AK7: variants seen among roughly 807,000 people sequenced by gnomAD.
The protein encoded by AK7 is adenylate kinase 7.
A neutral mutation model predicts 96.6 loss-of-function variants in AK7; 78 were observed. The observed-to-expected ratio is 0.81, with a 90% CI of 0.67 to 0.97. The LOEUF is 0.97. Ranked by LOEUF, AK7 falls within the 50% of genes least tolerant of loss-of-function variation. The pLI is 0.00. For synonymous variants in AK7, 302 were observed against 317.2 expected, an observed-to-expected ratio of 0.95 and a Z score of 0.51; for missense variants, 855 against 887.9, an observed-to-expected ratio of 0.96 and a Z score of 0.47.
At chr14:96,425,778 C>T (rs935565332) in intron 5 of AK7, among the ~76,000 whole-genome samples, 1 of 152,114 alleles carries the variant, frequency 6.6e-6, no homozygotes, top group Non-Finnish European at 1.5e-5. Context: ...GCCACCGTGC[C>T]CAGCCGTAGT....
At chr14:96,392,698 C>T (rs931423474) in intron 1 of AK7, among the ~76,000 whole-genome samples, 8 of 151,790 alleles carry the variant, frequency 5.3e-5, no homozygotes, top group Non-Finnish European at 8.8e-5. Flanking sequence ...GAGCCTTGCT[C>T]TGTCGCCCAG....
rs373086791 is a variant in AK7, at chr14:96,456,211, C to G, written c.1099-136C>G. On this transcript the variant is annotated intron_variant, in intron 10 of 17. Coordinates refer to ENST00000267584, the MANE Select transcript of AK7 (RefSeq NM_152327.5). Reference sequence around the variant, plus strand: ...GAGATCATGCCACTGCACTACAGCCCGAGCAACAGAGTGAGAGACTCTGTC... The same window carrying G: ...GAGATCATGCCACTGCACTACAGCCGGAGCAACAGAGTGAGAGACTCTGTC... 8.2e-5 allele frequency: 80 copies of G among 973,414 alleles called. No homozygotes were observed. In the South Asian group the frequency reaches 1.5e-3, roughly 18 times the overall value. 60.3% of individuals were successfully genotyped at this position (973,414 alleles called of 1,614,324 possible). A position where few individuals can be genotyped will look rare whatever the true frequency, so the allele number is the denominator to read the frequency against.
Position 96,488,129 on chromosome 14 carries a change from T to G in AK7, c.2134-176T>G, listed in dbSNP as rs1595475484. On this transcript the variant is annotated intron_variant, in intron 17 of 17. Transcript: ENST00000267584. ...AGTTTCACCATGTTGACCAGGCTGG[T>G]CTCGAACTCCTGACCTCAAGTGATC... 6 of 497,618 alleles carry G rather than the reference T, an allele frequency of 1.2e-5. No individual in the cohort carries two copies. In the South Asian group the frequency reaches 1.4e-4, roughly 11 times the overall value. 30.8% of individuals were successfully genotyped at this position (497,618 alleles called of 1,614,324 possible).
intron 4 of AK7, among the ~76,000 whole-genome samples, chr14:96,418,612 A>T (rs916553018): frequency 6.6e-6 from 1 of 152,014 alleles, no homozygotes; most frequent in Admixed American, 6.6e-5. Context: ...TCAGCCTCCC[A>T]GGTTCAAGCG....
intron 8 of AK7, among the ~76,000 whole-genome samples, chr14:96,448,875 G>C (rs1170190631): frequency 6.6e-6 from 1 of 152,020 alleles, no homozygotes; most frequent in African/African-American, 2.4e-5. Context: ...AGAATTGCTT[G>C]AACCTGGGAG....
intron 10 of AK7, 74 bp downstream of exon 10, chr14:96,451,644 A>G (rs536787025): frequency 1.5e-5 from 20 of 1,310,736 alleles, no homozygotes; most frequent in African/African-American, 1.2e-4. Flanking sequence ...GATGATGCCA[A>G]CGGAAGTATT....
chr14:96,488,425 T>G lies in AK7; in HGVS notation c.*82T>G, dbSNP rs540104782. The G allele has an allele frequency of 4.0e-5, 52 of 1,291,538 alleles. No individual in the cohort carries two copies. Among genetic ancestry groups the G allele is most frequent in the Non-Finnish European group, 5.6e-5 (52 of 927,170 alleles). The allele number at this position is 1,291,538 out of a possible 1,614,324, so 80.0% of individuals were successfully genotyped here. On this transcript the variant is annotated 3_prime_UTR_variant, in exon 18 of 18. Coordinates refer to ENST00000267584, the MANE Select transcript of AK7 (RefSeq NM_152327.5). ...TTTGAAAAATTGCTTTGAAAAATGC[T>G]TTTCCAGTTCTTAGAAAATTCTTTT...
chr14:96,485,857 A>G (rs1340468380), intron 16 of AK7, among the ~76,000 whole-genome samples: 1 of 136,364 alleles, frequency 7.3e-6, no homozygotes, highest in Non-Finnish European at 1.5e-5. Flanking sequence ...GTGCAGTGTT[A>G]CGATCTCGGC....
intron 4 of AK7, among the ~76,000 whole-genome samples, chr14:96,411,443 A>G (rs146783659): frequency 6.6e-6 from 1 of 151,870 alleles, no homozygotes; most frequent in African/African-American, 2.4e-5. Context: ...CCTTGGAGGC[A>G]GAGGTTGCAG....
At chr14:96,454,835 G>A (rs1013356904) in intron 10 of AK7, among the ~76,000 whole-genome samples, 1 of 151,834 alleles carries the variant, frequency 6.6e-6, no homozygotes, top group Non-Finnish European at 1.5e-5. Context: ...CATGAGCCAC[G>A]ATGCCTGGCC....
intron 9 of AK7, among the ~76,000 whole-genome samples, chr14:96,450,193 G>C (rs1316096159): frequency 2.0e-5 from 3 of 152,046 alleles, no homozygotes; most frequent in South Asian, 2.1e-4. Flanking sequence ...GAGGCAGGTG[G>C]ACCACCTGAG....
rs148045100 is a variant in AK7, at chr14:96,420,919, A to G, written c.596A>G (p.Lys199Arg). 354 of 1,607,084 alleles carry G rather than the reference A, an allele frequency of 2.2e-4. No individual in the cohort carries two copies. Among genetic ancestry groups the G allele is most frequent in the Non-Finnish European group, 2.9e-4 (339 of 1,174,016 alleles). ...ATAAATGCTGAAAAAATGGTTCTCA[A>G]ATTTGGAAAAAAGGTAAGTCTGGCA... is the stretch of plus-strand genomic sequence containing the variant. Reference protein sequence around the residue: ...DHINAEKMVLKFGKKARKFAA... With the variant: ...DHINAEKMVLRFGKKARKFAA... The change falls in exon 5 of 18, where the codon AAA becomes AGA. Residue 199 changes from lysine (K) to arginine (R), a missense_variant. Physicochemically the swap from Lys to Arg is conservative, Grantham distance 26. Transcript: ENST00000267584.
chr14:96,399,502 C>G lies in AK7; in HGVS notation c.294+1239C>G, dbSNP rs1484800049. 2.6e-5 allele frequency among the ~76,000 whole-genome samples: 4 copies of G among 152,212 alleles called. No homozygotes were observed. Among genetic ancestry groups the G allele is most frequent in the Non-Finnish European group, 4.4e-5 (3 of 68,030 alleles). ...CACCAGCCTCTTTCTCTGCCCCGGC[C>G]CCTGCCACCACTGAACTTCAGGAGA... On this transcript the variant is annotated intron_variant, in intron 2 of 17. Transcript: ENST00000267584. This position sits in a 1 kb window ranked among gnomAD's most constrained non-coding sequence, Gnocchi z 4.1.
intron 7 of AK7, among the ~76,000 whole-genome samples, chr14:96,446,224 C>A (rs1055087663): frequency 2.0e-5 from 3 of 150,876 alleles, no homozygotes; most frequent in African/African-American, 7.4e-5. Context: ...GGAGACAGGG[C>A]AGTATGCTAG....
chr14:96,438,630 C>T (rs925238130), intron 6 of AK7, among the ~76,000 whole-genome samples: 2 of 152,166 alleles, frequency 1.3e-5, no homozygotes, highest in Admixed American at 1.3e-4. Flanking sequence ...GAGAGTCAGA[C>T]CAAGCCCAGC....
At position 96,424,819 on chromosome 14, in the gene AK7, A is replaced by G. The variant is rs996858973; in HGVS notation, c.609+3887A>G. 3.9e-5 allele frequency among the ~76,000 whole-genome samples: 6 copies of G among 152,176 alleles called. No individual in the cohort carries two copies. In the East Asian group the frequency reaches 5.8e-4, roughly 15 times the overall value. ...TAAATTTATTCCAGTTCTAAATTCC[A>G]TAACTATGTTATTTTATTGGAACCC... On this transcript the variant is annotated intron_variant, in intron 5 of 17. Transcript: ENST00000267584.
chr14:96,392,963 C>A (rs534757946), intron 1 of AK7, among the ~76,000 whole-genome samples: 1 of 152,166 alleles, frequency 6.6e-6, no homozygotes, highest in African/African-American at 2.4e-5. Flanking sequence ...GGATTACAGG[C>A]GTGAGTAAAT....
intron 5 of AK7, among the ~76,000 whole-genome samples, chr14:96,421,245 T>A (rs1046349455): frequency 2.6e-5 from 4 of 152,142 alleles, no homozygotes; most frequent in African/African-American, 7.2e-5. Flanking sequence ...CCAGAATCTA[T>A]CTCATTTGTT....
intron 8 of AK7, among the ~76,000 whole-genome samples, chr14:96,448,672 A>G (rs1893391478): frequency 6.9e-6 from 1 of 145,118 alleles, no homozygotes; most frequent in African/African-American, 2.5e-5. Flanking sequence ...AAATTACGGC[A>G]TGGCCAGGTG....
Sources: allele counts gnomAD v4.1 joint callset (sites outside exome capture counted in the v4.1 genomes callset), GRCh38; gene constraint gnomAD v4.1.1; non-coding constraint Gnocchi (gnomAD v3.1); transcripts MANE v1.5; gene names NCBI Gene and HGNC (gene_info 2026-07-23, HGNC 2026-07-21).